The following OTUD7A variants were observed in gnomAD, a reference collection of about 807,000 sequenced individuals.
OTUD7A encodes OTU deubiquitinase 7A, also known as OTU domain-containing protein 7A.
OTUD7A carries 12 observed loss-of-function variants against 65.7 expected under a neutral mutation model. The observed-to-expected ratio is 0.18, with a 90% CI of 0.12 to 0.30. The LOEUF is 0.30. OTUD7A is among the 10% of genes least tolerant of loss of function. The probability of loss-of-function intolerance (pLI) is 1.00; values close to 1 mark genes in which losing one functional copy is unlikely to be tolerated. For missense variants in OTUD7A, 1,148 were observed against 1,304.8 expected (o/e 0.88, Z 1.85); for synonymous variants, 641 against 586.3 (o/e 1.09, Z -1.35).
chr15:31,731,723 T>TCA lies in OTUD7A; in HGVS notation c.-99-74647_-99-74646insTG, dbSNP rs1342138959. ...ACTCTGGGCAATAATGATGTCTCAA[T>TCA]GTAGGTTCATCAGTTGTAACAACTG... On this transcript the variant is annotated intron_variant, in intron 1 of 12. Transcript: ENST00000307050. Among the ~76,000 whole-genome samples, 3 of 152,162 alleles carry TCA rather than the reference T, an allele frequency of 2.0e-5. No homozygotes were observed. The East Asian group carries it at 5.8e-4, about 29-fold the overall frequency.
At chr15:31,711,390 CCATAACTGGAAGCCCA>C (rs1292045201) in intron 1 of OTUD7A, among the ~76,000 whole-genome samples, 3 of 151,922 alleles carry the variant, frequency 2.0e-5, no homozygotes. Context: ...GTTTACACTT[CCATAACTGGAAGCCCA>C]CATAAAACAT....
intron 1 of OTUD7A, among the ~76,000 whole-genome samples, chr15:31,798,550 T>C (rs1228480418): frequency 1.3e-5 from 2 of 152,236 alleles, no homozygotes; most frequent in African/African-American, 2.4e-5. Flanking sequence ...AGGAGGGAAG[T>C]GGAGTGCATG....
intron 3 of OTUD7A, among the ~76,000 whole-genome samples, chr15:31,618,425 T>G (rs1176116116): frequency 6.6e-6 from 1 of 152,218 alleles, no homozygotes; most frequent in Non-Finnish European, 1.5e-5. Flanking sequence ...TTTCTCCACA[T>G]CCTCTCCAGC....
intron 1 of OTUD7A, among the ~76,000 whole-genome samples, chr15:31,717,463 T>G (rs1893621086): frequency 6.6e-6 from 1 of 152,174 alleles, no homozygotes; most frequent in Admixed American, 6.5e-5. Context: ...ATTGTTCAAC[T>G]CCCACTTATG....
chr15:31,763,872 CACA>C (rs1170907518), intron 1 of OTUD7A, among the ~76,000 whole-genome samples: 1 of 152,126 alleles, frequency 6.6e-6, no homozygotes, highest in Admixed American at 6.5e-5. Flanking sequence ...ACCACAGAGG[CACA>C]ACATTTTTAA....
At chr15:31,641,389 A>T (rs1891513137) in intron 3 of OTUD7A, among the ~76,000 whole-genome samples, 1 of 152,190 alleles carries the variant, frequency 6.6e-6, no homozygotes, top group South Asian at 2.1e-4. Context: ...TTCTAACTTT[A>T]TTCCAATTTT....
At chr15:31,745,343 A>T (rs961886602) in intron 1 of OTUD7A, among the ~76,000 whole-genome samples, 2 of 152,194 alleles carry the variant, frequency 1.3e-5, no homozygotes, top group Admixed American at 1.3e-4. Context: ...GAAGGCAAAT[A>T]TATAAATCAA....
chr15:31,521,948 A>G (rs764270448), intron 8 of OTUD7A, among the ~76,000 whole-genome samples: 14 of 152,228 alleles, frequency 9.2e-5, no homozygotes, highest in Non-Finnish European at 1.8e-4. Context: ...AGTTCTTTTA[A>G]AAGTTTAAAG....
intron 1 of OTUD7A, among the ~76,000 whole-genome samples, chr15:31,795,194 C>T (rs1386734463): frequency 2.0e-5 from 3 of 152,180 alleles, no homozygotes; most frequent in Non-Finnish European, 4.4e-5. Flanking sequence ...TTGGGGCCCA[C>T]AGGTGAAATG....
intron 5 of OTUD7A, among the ~76,000 whole-genome samples, chr15:31,535,787 C>T (rs1485097186): frequency 6.6e-6 from 1 of 151,318 alleles, no homozygotes; most frequent in East Asian, 1.9e-4. Flanking sequence ...TGCCATTCTC[C>T]TGCTTCAGCC....
chr15:31,775,991 G>A (rs553902702), intron 1 of OTUD7A, among the ~76,000 whole-genome samples: 23 of 152,320 alleles, frequency 1.5e-4, no homozygotes, highest in African/African-American at 5.1e-4. Flanking sequence ...CACAGACACA[G>A]AACTGATGAA....
Position 31,484,628 on chromosome 15 carries a change from T to C in OTUD7A, c.1468A>G (p.Ser490Gly), listed in dbSNP as rs753602457. ...SLDSDRDSVCSNSNSNNGKNG... is the reference protein window; with the variant it reads ...SLDSDRDSVCGNSNSNNGKNG... Reference sequence around the variant, plus strand: ...TTGCCGTTATTGCTGTTAGAATTGCTGCACACCGAATCGCGGTCCGAGTCC... The same window carrying C: ...TTGCCGTTATTGCTGTTAGAATTGCCGCACACCGAATCGCGGTCCGAGTCC... Residue 490 changes from serine (S) to glycine (G), a missense_variant, in exon 13 of 13, where the codon AGC (serine) becomes GGC (glycine). Physicochemically the swap from Ser to Gly is moderately conservative, Grantham distance 56. Around this residue, in one of 6 missense-constraint regions of OTUD7A, gnomAD observed 842 missense variants for 769.5 expected, o/e 1.09. Coordinates refer to ENST00000307050, the MANE Select transcript of OTUD7A (RefSeq NM_001382637.1). This position sits in a 1 kb window ranked among gnomAD's most constrained non-coding sequence, Gnocchi z 4.5. 4 of 1,596,862 alleles carry C rather than the reference T, an allele frequency of 2.5e-6. No homozygotes were observed. The African/African-American group carries it at 5.4e-5, about 21-fold the overall frequency.
intron 5 of OTUD7A, among the ~76,000 whole-genome samples, chr15:31,552,398 C>G (rs1248506800): frequency 6.6e-6 from 1 of 152,196 alleles, no homozygotes; most frequent in Non-Finnish European, 1.5e-5. Context: ...GAGAAGATAA[C>G]TTAGTATTTG....
At chr15:31,695,239 A>ACTCT (rs1341174281) in intron 1 of OTUD7A, among the ~76,000 whole-genome samples, 2,065 of 142,028 alleles carry the variant, frequency 0.015, 59 homozygotes, top group African/African-American at 0.049. Context: ...TGAACATAGG[A>ACTCT]GTGCAGGTAA....
intron 1 of OTUD7A, among the ~76,000 whole-genome samples, chr15:31,754,188 T>C (rs1194185185): frequency 1.3e-5 from 2 of 152,192 alleles, no homozygotes; most frequent in East Asian, 3.8e-4. Flanking sequence ...TCTATACATG[T>C]CCTTAGCCTA....
chr15:31,863,121 G>A (rs943119701), intron 1 of OTUD7A, among the ~76,000 whole-genome samples: 1 of 152,222 alleles, frequency 6.6e-6, no homozygotes, highest in Non-Finnish European at 1.5e-5. Flanking sequence ...GCTGATGCTA[G>A]AGATGGATGC....
Position 31,572,793 on chromosome 15 carries a change from G to T in OTUD7A, c.152-2596C>A, listed in dbSNP as rs1315848115. 5.9e-5 allele frequency among the ~76,000 whole-genome samples: 9 copies of T among 152,246 alleles called. No homozygotes were observed. In the East Asian group the frequency reaches 1.7e-3, roughly 29 times the overall value. ...TAAGGGAGAAAAGAGAAAACAGACT[G>T]CAGATAGCATAGTAAGAATGATAAA... On this transcript the variant is annotated intron_variant, in intron 3 of 12. Coordinates refer to ENST00000307050, the MANE Select transcript of OTUD7A (RefSeq NM_001382637.1).
At chr15:31,662,041 G>A (rs760809022) in intron 1 of OTUD7A, among the ~76,000 whole-genome samples, 2 of 152,116 alleles carry the variant, frequency 1.3e-5, no homozygotes, top group Non-Finnish European at 2.9e-5. Flanking sequence ...TGTAAGACTC[G>A]ATCAGATTCA....
intron 1 of OTUD7A, among the ~76,000 whole-genome samples, chr15:31,715,546 C>T: frequency 6.7e-6 from 1 of 149,448 alleles, no homozygotes; most frequent in Non-Finnish European, 1.5e-5. Flanking sequence ...TGTAGCACTA[C>T]CATTGTCTGT....
Sources: gnomAD v4.1 joint callset for allele counts (sites outside exome capture counted in the v4.1 genomes callset) on GRCh38, gnomAD v4.1.1 for gene constraint, gnomAD v4.1.1 regional missense constraint, Gnocchi (gnomAD v3.1) non-coding constraint, MANE v1.5 for transcripts, NCBI Gene and HGNC (gene_info 2026-07-23, HGNC 2026-07-21) for gene names.